Variants in TECPR2 observed in about 807,000 individuals in gnomAD.
TECPR2 encodes tectonin beta-propeller repeat containing 2.
A neutral mutation model predicts 138.1 loss-of-function variants in TECPR2; 65 were observed. The observed-to-expected ratio is 0.47, with a 90% CI of 0.39 to 0.58. The LOEUF is 0.58. Ranked by LOEUF, TECPR2 falls within the 20% of genes least tolerant of loss-of-function variation. The pLI, the probability that TECPR2 is intolerant of heterozygous loss-of-function variation, is 0.00. For missense variants in TECPR2, 1,553 were observed against 1,824.5 expected (o/e 0.85, Z 2.71); for synonymous variants, 746 against 749.8 (o/e 0.99, Z 0.08).
intron 2 of TECPR2, among the ~76,000 whole-genome samples, chr14:102,380,550 C>T (rs1053123477): frequency 1.3e-5 from 2 of 152,226 alleles, no homozygotes; most frequent in Admixed American, 1.3e-4. Flanking sequence ...TCAGTTATCT[C>T]TACCTGGTCC....
At chr14:102,466,080 G>A (rs894615741) in intron 17 of TECPR2, among the ~76,000 whole-genome samples, 4 of 152,188 alleles carry the variant, frequency 2.6e-5, no homozygotes, top group Admixed American at 2.0e-4. Flanking sequence ...AGTGGAGTCA[G>A]GAAAGAGGTA....
chr14:102,490,406 G>T (rs571968185), intron 17 of TECPR2, among the ~76,000 whole-genome samples: 83 of 152,350 alleles, frequency 5.4e-4, no homozygotes, highest in Non-Finnish European at 1.0e-3. Context: ...GCCCCAGCAG[G>T]CAGGACTGCC....
chr14:102,394,935 C>T (rs1888275425), intron 2 of TECPR2, among the ~76,000 whole-genome samples: 1 of 152,166 alleles, frequency 6.6e-6, no homozygotes, highest in African/African-American at 2.4e-5. Flanking sequence ...GGCTTCCTGA[C>T]TTGCCCCACT....
intron 2 of TECPR2, among the ~76,000 whole-genome samples, chr14:102,379,403 T>TA (rs1337392528): frequency 1.5e-4 from 22 of 150,808 alleles, no homozygotes; most frequent in African/African-American, 3.9e-4. Flanking sequence ...ATCACAGTCT[T>TA]AAAATCCATG....
chr14:102,498,161 G>A lies in TECPR2; in HGVS notation c.4140G>A (p.Leu1380=). The A allele has an allele frequency of 6.2e-7, 1 of 1,613,066 alleles. No individual in the cohort carries two copies. The highest frequency in any genetic ancestry group is 8.5e-7 in the Non-Finnish European group (1 of 1,180,034). ...CGCCCGGCTACCTCCTCCAACGGCT[G>A]ACAAAGACGTTCAGCCACTCGCACG... ...VGPPGYLLQR[L]TKTFSHSHGT... is the part of the protein sequence containing the mutation. Residue 1380 remains leucine, a synonymous_variant, in exon 20 of 20, where the codon CTG becomes CTA. Transcript: ENST00000359520.
At chr14:102,489,322 T>A (rs1465460713) in intron 17 of TECPR2, among the ~76,000 whole-genome samples, 1 of 152,074 alleles carries the variant, frequency 6.6e-6, no homozygotes, top group Non-Finnish European at 1.5e-5. Flanking sequence ...GGATGTTTCA[T>A]AGAAATGGAA....
At chr14:102,449,521 A>T in intron 13 of TECPR2, 108 bp from the exon 14 acceptor site, 1 of 1,497,396 alleles carries the variant, frequency 6.7e-7, no homozygotes, top group Non-Finnish European at 9.0e-7. Context: ...TCATCTTGTT[A>T]CTAGAAATGC....
intron 6 of TECPR2, among the ~76,000 whole-genome samples, chr14:102,426,474 T>C (rs1028883876): frequency 6.6e-6 from 1 of 152,216 alleles, no homozygotes; most frequent in Non-Finnish European, 1.5e-5. Context: ...GGCCCTGTCC[T>C]GTTCACGTTC....
chr14:102,415,052 G>GCTTC lies in TECPR2; in HGVS notation c.638+259_638+260insCTTC, dbSNP rs1888987875. On this transcript the variant is annotated intron_variant, in intron 5 of 19. Coordinates refer to ENST00000359520, the MANE Select transcript of TECPR2 (RefSeq NM_014844.5). The surrounding 1 kb of genome is among the most constrained non-coding windows in gnomAD (Gnocchi z 4.3). ...CCACTCTGCCTCTCAGGGTGCCACA[G>GCTTC]TCAGCGCAGAGAAGCCTCAGGGGTG... is the stretch of plus-strand genomic sequence containing the variant. 6.6e-6 allele frequency among the ~76,000 whole-genome samples: 1 copy of GCTTC among 152,222 alleles called. No homozygotes were observed. Among genetic ancestry groups the GCTTC allele is most frequent in the East Asian group, 1.9e-4 (1 of 5,188 alleles).
intron 17 of TECPR2, among the ~76,000 whole-genome samples, chr14:102,493,261 C>T (rs537461140): frequency 3.3e-5 from 5 of 152,248 alleles, no homozygotes; most frequent in African/African-American, 9.6e-5. Flanking sequence ...TGCTCCACCA[C>T]GTCGGGGCCC....
intron 16 of TECPR2, among the ~76,000 whole-genome samples, chr14:102,458,960 T>TAC (rs202166600): frequency 0.017 from 1,490 of 85,706 alleles, 28 homozygotes; most frequent in African/African-American, 0.071. Context: ...AAAAAAAAAA[T>TAC]ACACACATAT....
chr14:102,385,652 G>A (rs1223158141), intron 2 of TECPR2, among the ~76,000 whole-genome samples: 1 of 152,126 alleles, frequency 6.6e-6, no homozygotes, highest in East Asian at 1.9e-4. Context: ...ATTTTAGCTA[G>A]TCCAGGCATA....
intron 2 of TECPR2, among the ~76,000 whole-genome samples, chr14:102,387,384 A>G (rs567539488): frequency 6.6e-6 from 1 of 152,334 alleles, no homozygotes; most frequent in Non-Finnish European, 1.5e-5. Flanking sequence ...TGTGTTAAAT[A>G]TATAGGTCTG....
In TECPR2 at chr14:102,373,315, G is replaced by A. The variant is rs145103786; in HGVS notation, c.-72-3335G>A. On this transcript the variant is annotated intron_variant, in intron 1 of 19. Coordinates refer to ENST00000359520, the MANE Select transcript of TECPR2 (RefSeq NM_014844.5). ...CTATTTTTTGACTTTAAGATTGAGC[G>A]AAAACGATACCATTCAGTAGAAACT... 4.7e-4 allele frequency among the ~76,000 whole-genome samples: 72 copies of A among 152,186 alleles called. No homozygotes were observed. In the Middle Eastern group the frequency reaches 0.024, roughly 50 times the overall value.
At chr14:102,407,239 G>A in intron 2 of TECPR2, 99 bp from the exon 3 acceptor site, 1 of 1,429,102 alleles carries the variant, frequency 7.0e-7, no homozygotes, top group Non-Finnish European at 9.3e-7. Context: ...ATGGACTGCA[G>A]CCTGATGAAG....
At chr14:102,460,897 G>A (rs764792554) in intron 16 of TECPR2, among the ~76,000 whole-genome samples, 4 of 151,616 alleles carry the variant, frequency 2.6e-5, no homozygotes, top group African/African-American at 7.3e-5. Flanking sequence ...GGGCTTCACC[G>A]TGTTAGCCAG....
chr14:102,363,156 A>C, intron 1 of TECPR2, 40 bp downstream of exon 1: 1 of 335,818 alleles, frequency 3.0e-6, no homozygotes, highest in Non-Finnish European at 5.4e-6. Context: ...GACGCCCCCG[A>C]CGCCCCCGAC....
chr14:102,364,508 G>A (rs886609007), intron 1 of TECPR2, among the ~76,000 whole-genome samples: 7 of 151,536 alleles, frequency 4.6e-5, no homozygotes, highest in Admixed American at 6.6e-5. Context: ...GGAGAACTAA[G>A]TGCAGGTGTA....
intron 17 of TECPR2, among the ~76,000 whole-genome samples, chr14:102,495,740 T>C (rs1487464784): frequency 6.6e-6 from 1 of 152,240 alleles, no homozygotes; most frequent in Non-Finnish European, 1.5e-5. Context: ...CTCCATGTCC[T>C]GATCCACTGG....
Sources: allele counts gnomAD v4.1 joint callset (sites outside exome capture counted in the v4.1 genomes callset), GRCh38; gene constraint gnomAD v4.1.1; non-coding constraint Gnocchi (gnomAD v3.1); transcripts MANE v1.5; gene names NCBI Gene and HGNC (gene_info 2026-07-23, HGNC 2026-07-21).